Variants in RBM17 observed in about 807,000 individuals in gnomAD.
RBM17 encodes splicing factor 45.
RBM17 carries 7 observed loss-of-function variants against 53.2 expected under a neutral mutation model. The ratio of observed to expected loss-of-function variants is 0.13; its 90% CI spans 0.07 to 0.25. The LOEUF is 0.25. Ranked by LOEUF, RBM17 falls within the 10% of genes least tolerant of loss-of-function variation. The pLI is 1.00. For synonymous variants in RBM17, 167 were observed against 178.1 expected (o/e 0.94, Z 0.50); for missense variants, 257 against 496.7 (o/e 0.52, Z 4.59).
intron 2 of RBM17, among the ~76,000 whole-genome samples, chr10:6,100,669 CA>C (rs5782871): frequency 0.98 from 148,559 of 151,812 alleles, 72,770 homozygotes; most frequent in Middle Eastern, 1. Context: ...GATCCTGGTT[CA>C]AAAAAAAAAT....
In RBM17 at chr10:6,098,563, G is replaced by GTCTTTT. The variant is rs1554834988; in HGVS notation, c.123+1376_123+1377insCTTTTT. Among the ~76,000 whole-genome samples the GTCTTTT allele has an allele frequency of 8.1e-4, 38 of 46,662 alleles. 1 individual carries two copies. Among genetic ancestry groups the GTCTTTT allele is most frequent in the Middle Eastern group, 0.016 (1 of 64 alleles). 30.6% of individuals were successfully genotyped at this position (46,662 alleles called of 152,430 possible). A position where few individuals can be genotyped will look rare whatever the true frequency, so the allele number is the denominator to read the frequency against. Reference sequence around the variant, plus strand: ...AATTTCCGTAATACACAGGTTTTTTGTTTTTTTTTTTTTTTTTTTTTTTTT... The same window carrying GTCTTTT: ...AATTTCCGTAATACACAGGTTTTTTGTCTTTTTTTTTTTTTTTTTTTTTTTTTTTTT... On this transcript the variant is annotated intron_variant, in intron 2 of 11. Coordinates refer to ENST00000379888, the MANE Select transcript of RBM17 (RefSeq NM_032905.5).
intron 2 of RBM17, among the ~76,000 whole-genome samples, chr10:6,100,069 A>G (rs1376302360): frequency 6.6e-6 from 1 of 152,148 alleles, no homozygotes; most frequent in African/African-American, 2.4e-5. Flanking sequence ...AAAGAAAGAA[A>G]ATATGTGATT....
chr10:6,110,405 A>G (rs1840820208), intron 7 of RBM17, among the ~76,000 whole-genome samples: 2 of 152,350 alleles, frequency 1.3e-5, no homozygotes, highest in African/African-American at 4.8e-5. Flanking sequence ...ATTTGCCTTC[A>G]TAACGTTTGC....
chr10:6,114,905 A>G, intron 10 of RBM17: 1 of 246,218 alleles, frequency 4.1e-6, no homozygotes, highest in Non-Finnish European at 7.7e-6. Flanking sequence ...CAGCCTTTTT[A>G]ATCTGAAAGC....
At chr10:6,113,605 T>C (rs1387610818) in intron 9 of RBM17, 24 bp downstream of exon 9, 2 of 1,500,140 alleles carry the variant, frequency 1.3e-6, no homozygotes, top group Non-Finnish European at 1.9e-6. Context: ...GAAAGCAAGC[T>C]CTCTGCCTGC....
chr10:6,098,628 C>T (rs541028342), intron 2 of RBM17, among the ~76,000 whole-genome samples: 2 of 116,900 alleles, frequency 1.7e-5, no homozygotes, highest in South Asian at 2.9e-4. Flanking sequence ...CAGGCTGGAG[C>T]GCAGTGGCAT....
chr10:6,108,381 A>G, intron 5 of RBM17: 2 of 398,030 alleles, frequency 5.0e-6, no homozygotes, highest in Non-Finnish European at 9.0e-6. Flanking sequence ...TTTTTAAGTA[A>G]CTGCTGGTTC....
At chr10:6,092,566 A>G (rs1840502513) in intron 1 of RBM17, among the ~76,000 whole-genome samples, 1 of 152,228 alleles carries the variant, frequency 6.6e-6, no homozygotes, top group African/African-American at 2.4e-5. Context: ...TTCTTAGTCT[A>G]GATCCTGTCT....
intron 3 of RBM17, among the ~76,000 whole-genome samples, chr10:6,101,699 T>C (rs1377261562): frequency 1.3e-5 from 2 of 152,022 alleles, no homozygotes; most frequent in Non-Finnish European, 2.9e-5. Context: ...TCTGCTAACT[T>C]GCTTTTCTTA....
chr10:6,093,476 C>G (rs1840520146), intron 1 of RBM17, among the ~76,000 whole-genome samples: 1 of 152,210 alleles, frequency 6.6e-6, no homozygotes, highest in Non-Finnish European at 1.5e-5. Context: ...GCCTCGGTCT[C>G]CCAAAGTGCT....
intron 2 of RBM17, among the ~76,000 whole-genome samples, chr10:6,098,556 GTTTTTTGTTTTTTTTTTTTTTTTT>G (rs1436768495): frequency 2.3e-5 from 2 of 87,976 alleles, no homozygotes; most frequent in African/African-American, 8.1e-5. Context: ...TAATACACAG[GTTTTTTGTTTTTTTTTTTTTTTTT>G]TTTTTTTTTT....
intron 1 of RBM17, among the ~76,000 whole-genome samples, chr10:6,094,513 A>G (rs1840542329): frequency 6.6e-6 from 1 of 152,240 alleles, no homozygotes; most frequent in South Asian, 2.1e-4. Flanking sequence ...GAAAGAACAG[A>G]AGAACCTGTA....
intron 2 of RBM17, among the ~76,000 whole-genome samples, chr10:6,100,672 A>G (rs1840657225): frequency 6.6e-6 from 1 of 152,072 alleles, no homozygotes; most frequent in African/African-American, 2.4e-5. Context: ...CCTGGTTCAA[A>G]AAAAAAATCA....
intron 2 of RBM17, among the ~76,000 whole-genome samples, chr10:6,097,563 C>T (rs974352474): frequency 1.3e-5 from 2 of 152,280 alleles, no homozygotes; most frequent in African/African-American, 4.8e-5. Context: ...GCCAGCTACT[C>T]GGGAGGCTGA....
Position 6,105,112 on chromosome 10 carries a change from G to A in RBM17, c.407+15G>A. 1 of 1,608,394 alleles carries A rather than the reference G, an allele frequency of 6.2e-7. No homozygotes were observed. The highest frequency in any genetic ancestry group is 8.5e-7 in the Non-Finnish European group (1 of 1,176,166). The stretch of plus-strand genomic sequence containing the variant: ...GAAAGGGAAAAGTAAGGCTTCCTTT[G>A]GATTTGGGGATATTTTACAGTTGAA... On this transcript the variant is annotated intron_variant, in intron 4 of 11. Coordinates refer to ENST00000379888, the MANE Select transcript of RBM17 (RefSeq NM_032905.5).
intron 1 of RBM17, 86 bp from the exon 2 acceptor site, chr10:6,096,962 C>T (rs1221248478): frequency 1.5e-6 from 2 of 1,335,060 alleles, no homozygotes; most frequent in Admixed American, 2.2e-5. Context: ...GACCTTTTAC[C>T]TCTAAAATTT....
At chr10:6,090,500 C>G (rs11256668) in intron 1 of RBM17, among the ~76,000 whole-genome samples, 1 of 152,086 alleles carries the variant, frequency 6.6e-6, no homozygotes, top group African/African-American at 2.4e-5. Flanking sequence ...TGGAGCTCTG[C>G]GGAACCAAAG....
chr10:6,104,483 A>G (rs772656556), intron 3 of RBM17, among the ~76,000 whole-genome samples: 2 of 152,250 alleles, frequency 1.3e-5, no homozygotes, highest in African/African-American at 2.4e-5. Flanking sequence ...TCTTATCTCC[A>G]TGTAATCAGA....
intron 2 of RBM17, among the ~76,000 whole-genome samples, chr10:6,099,464 C>T (rs1840637497): frequency 6.6e-6 from 1 of 152,086 alleles, no homozygotes; most frequent in Non-Finnish European, 1.5e-5. Context: ...GGGATTGGTT[C>T]CAGGACCCCC....
Sources: gnomAD v4.1 joint callset for allele counts (sites outside exome capture counted in the v4.1 genomes callset) on GRCh38, gnomAD v4.1.1 for gene constraint, MANE v1.5 for transcripts, NCBI Gene and HGNC (gene_info 2026-07-23, HGNC 2026-07-21) for gene names.